LARP4: variants seen among roughly 807,000 people sequenced by gnomAD.
LARP4 encodes la-related protein 4.
Under a neutral mutation model 92.9 loss-of-function variants are expected in LARP4, and 29 were observed. That is an observed-to-expected ratio of 0.31 (90% CI 0.23 to 0.43). LARP4 has a LOEUF of 0.43. Ranked by LOEUF, LARP4 falls within the 20% of genes least tolerant of loss-of-function variation. The pLI, the probability that LARP4 is intolerant of heterozygous loss-of-function variation, is 1.00. For synonymous variants in LARP4, 279 were observed against 284.1 expected, an observed-to-expected ratio of 0.98 and a Z score of 0.18; for missense variants, 732 against 860.0, an observed-to-expected ratio of 0.85 and a Z score of 1.86.
chr12:50,427,291 G>A (rs1397424237), intron 1 of LARP4, among the ~76,000 whole-genome samples: 2 of 152,036 alleles, frequency 1.3e-5, no homozygotes, highest in African/African-American at 4.8e-5. Flanking sequence ...AAATACACAA[G>A]TGTCTCAAAA....
chr12:50,423,148 A>AC (rs1948122151), intron 1 of LARP4, among the ~76,000 whole-genome samples: 2 of 152,246 alleles, frequency 1.3e-5, no homozygotes, highest in Non-Finnish European at 2.9e-5. Context: ...GCTTTGCCAA[A>AC]CTAGTAAATA....
chr12:50,422,821 TA>T (rs1948044819), intron 1 of LARP4, among the ~76,000 whole-genome samples: 1 of 146,878 alleles, frequency 6.8e-6, no homozygotes, highest in Non-Finnish European at 1.5e-5. Context: ...TTATTATTAT[TA>T]TTATTATTAT....
chr12:50,437,458 A>T (rs1450096283), intron 5 of LARP4, among the ~76,000 whole-genome samples: 1 of 152,122 alleles, frequency 6.6e-6, no homozygotes, highest in Non-Finnish European at 1.5e-5. Context: ...CTTATTAGAT[A>T]TATGTTGTAT....
At chr12:50,469,569 A>C (rs1276882620) in intron 13 of LARP4, among the ~76,000 whole-genome samples, 2 of 135,638 alleles carry the variant, frequency 1.5e-5, no homozygotes, top group Non-Finnish European at 3.1e-5. Flanking sequence ...GCGCCACTGC[A>C]CTCCAGCCTG....
chr12:50,462,392 A>T (rs561916415), intron 11 of LARP4, among the ~76,000 whole-genome samples, 190 bp from the exon 12 acceptor site: 1 of 151,210 alleles, frequency 6.6e-6, no homozygotes, highest in Non-Finnish European at 1.5e-5. Context: ...AGGCAGGAGA[A>T]TTGCTTGAAC....
chr12:50,436,851 A>T (rs1014925448), intron 5 of LARP4, among the ~76,000 whole-genome samples: 1 of 152,252 alleles, frequency 6.6e-6, no homozygotes, highest in Non-Finnish European at 1.5e-5. Context: ...ACAAACATTT[A>T]TGGAACATTA....
chr12:50,440,499 C>T lies in LARP4; in HGVS notation c.700C>T (p.His234Tyr). The T allele has an allele frequency of 6.2e-7, 1 of 1,613,924 alleles. No individual in the cohort carries two copies. The highest frequency in any genetic ancestry group is 8.5e-7 in the Non-Finnish European group (1 of 1,179,852). ...CPKVISCEFA[H>Y]NSNWYITFQS... ...CAAAGTGATAAGCTGTGAGTTTGCA[C>T]ACAATAGCAACTGGTATATCACTTT... Residue 234 changes from histidine to tyrosine, a missense_variant, in exon 7 of 16, where the codon CAC becomes TAC. Transcript: ENST00000398473.
intron 15 of LARP4, among the ~76,000 whole-genome samples, 157 bp from the exon 16 acceptor site, chr12:50,475,369 A>T (rs1254108086): frequency 6.6e-6 from 1 of 152,236 alleles, no homozygotes; most frequent in Non-Finnish European, 1.5e-5. Flanking sequence ...ATAAATAAAG[A>T]TTGTACCAGT....
At position 50,478,602 on chromosome 12, in the gene LARP4, T is replaced by C. The variant is rs142372948; in HGVS notation, c.*2738T>C. ...ATCTGTTGGAGGCTAAAAGTAGGTA[T>C]AAATGATATTGAATGTTGGGTATAG... On this transcript the variant is annotated 3_prime_UTR_variant, in exon 16 of 16. Coordinates refer to ENST00000398473, the MANE Select transcript of LARP4 (RefSeq NM_052879.5). 6.6e-6 allele frequency: 1 copy of C among 152,146 alleles called. No individual in the cohort carries two copies. 9.4% of individuals were successfully genotyped at this position (152,146 alleles called of 1,614,324 possible).
chr12:50,471,116 C>T (rs1275394578), intron 13 of LARP4, among the ~76,000 whole-genome samples: 1 of 151,922 alleles, frequency 6.6e-6, no homozygotes, highest in Non-Finnish European at 1.5e-5. Flanking sequence ...TAGCAAGACC[C>T]CCATCTCTAA....
intron 1 of LARP4, chr12:50,401,369 G>C (rs1943796761): frequency 6.6e-6 from 2 of 301,284 alleles, no homozygotes; most frequent in African/African-American, 2.2e-5. Context: ...TCTGAGGGAG[G>C]AGAGGGTAAT....
chr12:50,407,058 C>G (rs892121476), intron 1 of LARP4, among the ~76,000 whole-genome samples: 1 of 151,502 alleles, frequency 6.6e-6, no homozygotes, highest in African/African-American at 2.4e-5. Context: ...TGGAATCTTG[C>G]TCTGTCGCCC....
chr12:50,462,706 T>A, intron 12 of LARP4, 76 bp downstream of exon 12: 2 of 999,960 alleles, frequency 2.0e-6, no homozygotes, highest in Non-Finnish European at 3.1e-6. Flanking sequence ...CGGTCTTTCC[T>A]TTCTGGGTTT....
intron 12 of LARP4, among the ~76,000 whole-genome samples, chr12:50,464,403 A>C (rs1228788912): frequency 1.3e-5 from 2 of 152,214 alleles, no homozygotes; most frequent in African/African-American, 4.8e-5. Flanking sequence ...TTTTTAGGGT[A>C]TACTAAATCT....
At position 50,476,817 on chromosome 12, in the gene LARP4, T is replaced by G. The variant is rs1490101897; in HGVS notation, c.*953T>G. 2.6e-5 allele frequency: 4 copies of G among 152,626 alleles called. No individual in the cohort carries two copies. Among genetic ancestry groups the G allele is most frequent in the Admixed American group, 1.3e-4 (2 of 15,280 alleles). 9.5% of individuals were successfully genotyped at this position (152,626 alleles called of 1,614,324 possible). ...TACTCAATTGTGTGTTTGTAATTGCTTTGAGCAGTCTAGTCAAATCATATA... is the reference window on the plus strand; with the variant it reads ...TACTCAATTGTGTGTTTGTAATTGCGTTGAGCAGTCTAGTCAAATCATATA... On this transcript the variant is annotated 3_prime_UTR_variant, in exon 16 of 16. Transcript: ENST00000398473.
chr12:50,453,000 C>T (rs758090888), intron 8 of LARP4, among the ~76,000 whole-genome samples: 4 of 151,760 alleles, frequency 2.6e-5, no homozygotes, highest in Non-Finnish European at 4.4e-5. Flanking sequence ...GCCTCCAGCT[C>T]CTTGGCTCAA....
At chr12:50,414,652 A>G (rs930485679) in intron 1 of LARP4, among the ~76,000 whole-genome samples, 3 of 152,224 alleles carry the variant, frequency 2.0e-5, no homozygotes, top group South Asian at 2.1e-4. Flanking sequence ...AATAGAAATG[A>G]TAATATAAAG....
At chr12:50,439,677 G>A (rs1950926542) in intron 6 of LARP4, among the ~76,000 whole-genome samples, 1 of 152,178 alleles carries the variant, frequency 6.6e-6, no homozygotes, top group African/African-American at 2.4e-5. Flanking sequence ...GATTACAGAA[G>A]TGAGCCACTG....
intron 1 of LARP4, among the ~76,000 whole-genome samples, chr12:50,411,694 T>G (rs1211871878): frequency 6.6e-6 from 1 of 151,934 alleles, no homozygotes; most frequent in Non-Finnish European, 1.5e-5. Context: ...TTTTTTCTTT[T>G]TTTTGAGATG....
Sources: gnomAD v4.1 joint callset for allele counts (sites outside exome capture counted in the v4.1 genomes callset) on GRCh38, gnomAD v4.1.1 for gene constraint, MANE v1.5 for transcripts, NCBI Gene and HGNC (gene_info 2026-07-23, HGNC 2026-07-21) for gene names.